ABCB5: variants seen among roughly 807,000 people sequenced by gnomAD.
The protein encoded by ABCB5 is ATP-binding cassette sub-family B member 5.
ABCB5 carries 155 observed loss-of-function variants against 144.2 expected under a neutral mutation model. The observed-to-expected ratio is 1.08, with a 90% CI of 0.94 to 1.23. The LOEUF (loss-of-function observed/expected upper bound fraction) is 1.23. Among genes scored for constraint, ABCB5 ranks in the 50% most tolerant of loss-of-function variants. ABCB5 has a pLI of 0.00. For synonymous variants in ABCB5, 610 were observed against 528.6 expected, an observed-to-expected ratio of 1.15 and a Z score of -2.11; for missense variants, 1,830 against 1,520.8, an observed-to-expected ratio of 1.20 and a Z score of -3.38.
At chr7:20,721,230 T>C (rs1431497705) in intron 20 of ABCB5, among the ~76,000 whole-genome samples, 1 of 152,220 alleles carries the variant, frequency 6.6e-6, no homozygotes, top group Non-Finnish European at 1.5e-5. Context: ...GTCAGCCACT[T>C]AATCCCAAGT....
intron 13 of ABCB5, among the ~76,000 whole-genome samples, chr7:20,653,608 A>G (rs1371929513): frequency 2.6e-5 from 4 of 152,236 alleles, no homozygotes; most frequent in African/African-American, 7.2e-5. Flanking sequence ...GAGGAATCTC[A>G]TAAAGGTACT....
intron 26 of ABCB5, among the ~76,000 whole-genome samples, chr7:20,748,842 T>A (rs1006948962): frequency 6.6e-6 from 1 of 152,042 alleles, no homozygotes; most frequent in Non-Finnish European, 1.5e-5. Flanking sequence ...AAAACAGGCA[T>A]AGGAAGAAAG....
Position 20,680,168 on chromosome 7 carries a change from C to T in ABCB5, c.1708-1337C>T, listed in dbSNP as rs144208670. On this transcript the variant is annotated intron_variant, in intron 14 of 27. Transcript: ENST00000404938. ...AAAGACCCAGATACAGAAGAGTATA[C>T]AATGCACAATCTCATTTATATAAAT... is the stretch of plus-strand genomic sequence containing the variant. Among the ~76,000 whole-genome samples, 23 of 152,196 alleles carry T rather than the reference C, an allele frequency of 1.5e-4. No homozygotes were observed. The East Asian group carries it at 4.4e-3, about 29-fold the overall frequency.
chr7:20,658,417 T>C (rs1784883804), intron 13 of ABCB5, 89 bp from the exon 14 acceptor site: 2 of 1,340,354 alleles, frequency 1.5e-6, no homozygotes, highest in South Asian at 1.4e-5. Context: ...TAAGCTGATA[T>C]TAAAACACAA....
chr7:20,647,064 G>GTCCCCTAATACAAAAA (rs370421813), intron 9 of ABCB5, among the ~76,000 whole-genome samples: 23 of 152,226 alleles, frequency 1.5e-4, no homozygotes, highest in African/African-American at 5.3e-4. Flanking sequence ...ATGGACAGCT[G>GTCCCCTAATACAAAAA]TCCCCTAATA....
intron 13 of ABCB5, among the ~76,000 whole-genome samples, chr7:20,653,401 A>G (rs987517848): frequency 2.0e-5 from 3 of 152,256 alleles, no homozygotes; most frequent in African/African-American, 7.2e-5. Context: ...AAAATTGGGG[A>G]AAGCTATTGT....
chr7:20,743,331 T>C (rs564208832), intron 25 of ABCB5, among the ~76,000 whole-genome samples: 2 of 152,272 alleles, frequency 1.3e-5, no homozygotes, highest in South Asian at 2.1e-4. Flanking sequence ...ATCTTAGCCA[T>C]GGAATTACTT....
intron 13 of ABCB5, among the ~76,000 whole-genome samples, chr7:20,657,363 T>A (rs1230558576): frequency 6.6e-6 from 1 of 152,238 alleles, no homozygotes; most frequent in East Asian, 1.9e-4. Context: ...AACAGCTTTG[T>A]GTTTTCTTGT....
chr7:20,685,818 A>C lies in ABCB5; in HGVS notation c.1992A>C (p.Glu664Asp). Residue 664 changes from glutamate to aspartate, a missense_variant, in exon 16 of 28, where the codon GAA becomes GAC. Coordinates refer to ENST00000404938, the MANE Select transcript of ABCB5 (RefSeq NM_001163941.2). ...IKSDFIDKAE[E>D]STQSKEISLP... ...CAGACTTCATTGACAAGGCTGAGGAATCCACCCAATCTAAAGAGGTAATGG... is the reference window on the plus strand; with the variant it reads ...CAGACTTCATTGACAAGGCTGAGGACTCCACCCAATCTAAAGAGGTAATGG... 6.2e-7 allele frequency: 1 copy of C among 1,610,144 alleles called. No homozygotes were observed. Among genetic ancestry groups the C allele is most frequent in the Non-Finnish European group, 8.5e-7 (1 of 1,178,824 alleles).
chr7:20,711,845 T>TTTCTTTCTTTCTTTTC (rs1491581715), intron 20 of ABCB5, among the ~76,000 whole-genome samples: 1 of 10,234 alleles, frequency 9.8e-5, no homozygotes, highest in Non-Finnish European at 1.7e-4. Context: ...TCTTTCTTTC[T>TTTCTTTCTTTCTTTTC]TTTCTTTCTT....
intron 23 of ABCB5, among the ~76,000 whole-genome samples, chr7:20,733,934 C>G (rs1353712213): frequency 6.6e-6 from 1 of 152,142 alleles, no homozygotes; most frequent in Non-Finnish European, 1.5e-5. Flanking sequence ...GCCACCACAC[C>G]CAGCCTCACG....
Position 20,626,571 on chromosome 7 carries a change from A to T in ABCB5, c.68A>T (p.Gln23Leu). 6.2e-7 allele frequency: 1 copy of T among 1,608,254 alleles called. No individual in the cohort carries two copies. Among genetic ancestry groups the T allele is most frequent in the East Asian group, 2.2e-5 (1 of 44,726 alleles). ...NYQRNGTAEE[Q>L]PKLRKEAVGS... is the part of the protein sequence containing the mutation. ...TTATTTTCCAGAACTGCAGAAGAAC[A>T]GCCAAAACTGAGAAAGGAAGCAGTT... Residue 23 changes from glutamine to leucine, a missense_variant, in exon 3 of 28, where the codon CAG becomes CTG. Gln to Leu is a moderately radical substitution (Grantham distance 113). Coordinates refer to ENST00000404938, the MANE Select transcript of ABCB5 (RefSeq NM_001163941.2).
intron 11 of ABCB5, among the ~76,000 whole-genome samples, chr7:20,649,271 G>A (rs1583392853): frequency 1.3e-5 from 2 of 152,234 alleles, no homozygotes; most frequent in East Asian, 3.9e-4. Flanking sequence ...TTTATGTTTG[G>A]CTTATGCAAA....
chr7:20,635,373 T>A (rs1784134081), intron 5 of ABCB5, among the ~76,000 whole-genome samples: 1 of 139,538 alleles, frequency 7.2e-6, no homozygotes, highest in African/African-American at 2.8e-5. Context: ...TTATAGTTGT[T>A]TTGGTTATAA....
intron 19 of ABCB5, 74 bp downstream of exon 19, chr7:20,700,209 CAA>C: frequency 1.3e-5 from 17 of 1,293,510 alleles, no homozygotes; most frequent in Non-Finnish European, 1.8e-5. Context: ...AATTCTGTCT[CAA>C]GTCAATTTTT....
At chr7:20,632,588 A>C (rs1784060335) in intron 5 of ABCB5, among the ~76,000 whole-genome samples, 1 of 152,140 alleles carries the variant, frequency 6.6e-6, no homozygotes, top group African/African-American at 2.4e-5. Flanking sequence ...ACTATTCACA[A>C]TAGCAAAGAC....
chr7:20,659,941 C>G, intron 14 of ABCB5: 1 of 982,804 alleles, frequency 1.0e-6, no homozygotes, highest in Non-Finnish European at 1.2e-6. Context: ...ACCTCGGCCT[C>G]CCAAAGTGCT....
intron 16 of ABCB5, among the ~76,000 whole-genome samples, chr7:20,686,623 G>A (rs1018803042): frequency 2.0e-5 from 3 of 151,972 alleles, no homozygotes; most frequent in Admixed American, 1.3e-4. Context: ...AAACCCAGTC[G>A]ACCTTTGCTA....
chr7:20,617,130 T>A (rs1372356130), intron 1 of ABCB5, among the ~76,000 whole-genome samples: 2 of 152,214 alleles, frequency 1.3e-5, no homozygotes, highest in Non-Finnish European at 2.9e-5. Flanking sequence ...TGCCTTTTTT[T>A]AAAATTGTGA....
Sources: allele counts gnomAD v4.1 joint callset (sites outside exome capture counted in the v4.1 genomes callset), GRCh38; gene constraint gnomAD v4.1.1; transcripts MANE v1.5; gene names NCBI Gene and HGNC (gene_info 2026-07-23, HGNC 2026-07-21).